Variants in ZNF469 observed in about 807,000 individuals in gnomAD.
ZNF469 encodes the protein zinc finger protein 469.
A neutral mutation model predicts 1.0 loss-of-function variants in ZNF469; 1 was observed. The ratio of observed to expected loss-of-function variants is 1.00; its 90% CI spans 0.35 to 4.73. The LOEUF (loss-of-function observed/expected upper bound fraction) is 4.73, where lower values mean the gene tolerates loss of function less well. Ranked by LOEUF, ZNF469 falls within the 30% of genes most tolerant of loss-of-function variation. The pLI is 0.16. For synonymous variants in ZNF469, 2,703 were observed against 2,363.4 expected, an observed-to-expected ratio of 1.14 and a Z score of -4.17; for missense variants, 6,100 against 5,356.3, an observed-to-expected ratio of 1.14 and a Z score of -4.33.
chr16:88,236,344 G>C, the ZNF469 span, among the ~76,000 whole-genome samples: 1 of 152,238 alleles, frequency 6.6e-6, no homozygotes, highest in Non-Finnish European at 1.5e-5. Context: ...TACTAGACTC[G>C]GGTTGGAATT....
chr16:88,321,270 C>A, the ZNF469 span, among the ~76,000 whole-genome samples: 8 of 152,378 alleles, frequency 5.3e-5, no homozygotes, highest in East Asian at 1.2e-3. Context: ...GAAACCCAGG[C>A]AGGAGCTGAT....
the ZNF469 span, among the ~76,000 whole-genome samples, chr16:88,152,834 A>T: frequency 3.0e-3 from 451 of 152,044 alleles, 4 homozygotes; most frequent in African/African-American, 0.01. This position sits in a 1 kb window ranked among gnomAD's most constrained non-coding sequence, Gnocchi z 4.2. Context: ...TCTGACACAA[A>T]CCGCTGTCTA....
At position 88,430,480 on chromosome 16, in the gene ZNF469, A is replaced by G. The variant is rs2142303023; in HGVS notation, c.3010A>G (p.Ser1004Gly). The part of the protein sequence containing the change: ...PRRPRTQAPG[S>G]RADPAPRVPR... ...GCGCCCTAGAACGCAGGCCCCCGGG[A>G]GCCGCGCAGACCCCGCGCCCCGGGT... The change falls in exon 3 of 3, where the codon AGC becomes GGC. Residue 1004 changes from serine to glycine, a missense_variant. Transcript: ENST00000565624. 1 of 1,438,180 alleles carries G rather than the reference A, an allele frequency of 7.0e-7. No homozygotes were observed. The highest frequency in any genetic ancestry group is 9.0e-7 in the Non-Finnish European group (1 of 1,105,990). 89.1% of individuals were successfully genotyped at this position (1,438,180 alleles called of 1,614,324 possible).
chr16:88,217,606 C>A, the ZNF469 span, among the ~76,000 whole-genome samples: 2 of 110,568 alleles, frequency 1.8e-5, no homozygotes, highest in East Asian at 2.9e-4. Context: ...CCCACCCCAC[C>A]ACAGTCCCCA....
chr16:88,246,863 GTGAA>G, the ZNF469 span, among the ~76,000 whole-genome samples: 1 of 146,050 alleles, frequency 6.8e-6, no homozygotes, highest in Admixed American at 6.7e-5. Context: ...GAATGAGCAA[GTGAA>G]TGAGTGAGTG....
At chr16:88,414,408 A>C (rs1905253073) in intron 1 of ZNF469, among the ~76,000 whole-genome samples, 1 of 152,062 alleles carries the variant, frequency 6.6e-6, no homozygotes, top group African/African-American at 2.4e-5. Flanking sequence ...CAGTCTCGTT[A>C]CCTCCACCCC....
At chr16:88,192,143 T>C in the ZNF469 span, 1 of 152,190 alleles carries the variant, frequency 6.6e-6, no homozygotes, top group African/African-American at 2.4e-5. Context: ...AGCCATACCT[T>C]GATCTTGGAA....
At chr16:88,281,393 G>A in the ZNF469 span, among the ~76,000 whole-genome samples, 1 of 147,628 alleles carries the variant, frequency 6.8e-6, no homozygotes, top group South Asian at 2.2e-4. Context: ...ATCAGTGCAT[G>A]GGTAAGTGCT....
At chr16:88,190,485 G>A in the ZNF469 span, among the ~76,000 whole-genome samples, 2 of 152,244 alleles carry the variant, frequency 1.3e-5, no homozygotes, top group African/African-American at 4.8e-5. Flanking sequence ...GAGGAGGGAG[G>A]ACAGGAAGGA....
At position 88,431,586 on chromosome 16, in the gene ZNF469, G is replaced by T. The variant is rs966804400; in HGVS notation, c.4116G>T (p.Gly1372=). The change falls in exon 3 of 3, where the codon GGG becomes GGT. Residue 1372 remains glycine, a synonymous_variant. Transcript: ENST00000565624. ...DPLGVPVAKK[G]PQPYSSPHSE... is the part of the protein sequence containing the mutation. ...TGGGGGTTCCAGTTGCCAAAAAGGG[G>T]CCTCAGCCCTACAGCAGCCCCCACA... 1.3e-6 allele frequency: 2 copies of T among 1,550,460 alleles called. No individual in the cohort carries two copies. Among genetic ancestry groups the T allele is most frequent in the African/African-American group, 1.4e-5 (1 of 73,186 alleles).
At chr16:88,122,440 T>C in the ZNF469 span, among the ~76,000 whole-genome samples, 1 of 150,120 alleles carries the variant, frequency 6.7e-6, no homozygotes, top group Admixed American at 6.6e-5. Flanking sequence ...TCACACTCCG[T>C]CACTCGCTAC....
chr16:88,152,949 C>T, the ZNF469 span, among the ~76,000 whole-genome samples: 1 of 152,224 alleles, frequency 6.6e-6, no homozygotes. The surrounding 1 kb of genome is among the most constrained non-coding windows in gnomAD (Gnocchi z 4.2). Flanking sequence ...CTCCACCTCA[C>T]TGGCCGTGAA....
At chr16:88,352,559 C>T in the ZNF469 span, among the ~76,000 whole-genome samples, 4 of 152,248 alleles carry the variant, frequency 2.6e-5, no homozygotes, top group Admixed American at 2.0e-4. Flanking sequence ...GCCCTCAGGC[C>T]TGTGTCCTTG....
the ZNF469 span, among the ~76,000 whole-genome samples, chr16:88,316,052 C>G: frequency 6.6e-6 from 1 of 152,240 alleles, no homozygotes; most frequent in Non-Finnish European, 1.5e-5. Flanking sequence ...CCACGCGTCA[C>G]CAGGGCACAT....
intron 1 of ZNF469, among the ~76,000 whole-genome samples, chr16:88,406,710 G>A (rs1353869692): frequency 6.6e-6 from 1 of 152,198 alleles, no homozygotes; most frequent in Admixed American, 6.5e-5. Context: ...CTGCCTCCGA[G>A]GGCTACAGAG....
the ZNF469 span, among the ~76,000 whole-genome samples, chr16:88,139,580 C>G: frequency 7.3e-5 from 11 of 150,584 alleles, no homozygotes; most frequent in Admixed American, 2.0e-4. Context: ...CCTTTTTGTC[C>G]CCTGGCCTGG....
chr16:88,295,641 A>G, the ZNF469 span, among the ~76,000 whole-genome samples: 6 of 152,196 alleles, frequency 3.9e-5, no homozygotes, highest in Non-Finnish European at 1.5e-5. Flanking sequence ...ACAACTGTAC[A>G]CATTGATACT....
At chr16:88,229,698 G>A in the ZNF469 span, among the ~76,000 whole-genome samples, 1 of 151,466 alleles carries the variant, frequency 6.6e-6, no homozygotes, top group African/African-American at 2.4e-5. Context: ...ACGTGTGGAT[G>A]TCACACGTGT....
rs779602484 is a variant in ZNF469, at chr16:88,430,139, G to C, written c.2669G>C (p.Gly890Ala). 3.2e-6 allele frequency: 5 copies of C among 1,550,014 alleles called. No homozygotes were observed. Among genetic ancestry groups the C allele is most frequent in the Non-Finnish European group, 1.7e-6 (2 of 1,146,890 alleles). The change falls in exon 3 of 3, where the codon GGG (glycine) becomes GCG (alanine). Residue 890 changes from glycine (G) to alanine (A), a missense_variant. Physicochemically the swap from Gly to Ala is moderately conservative, Grantham distance 60. Coordinates refer to ENST00000565624, the MANE Select transcript of ZNF469 (RefSeq NM_001367624.2). ...SSGHPLKSKA[G>A]VTPESKAPPP... ...GGACACCCCCTTAAGAGCAAGGCGG[G>C]GGTGACTCCAGAGAGCAAAGCTCCG...
Sources: allele counts gnomAD v4.1 joint callset (sites outside exome capture counted in the v4.1 genomes callset), GRCh38; gene constraint gnomAD v4.1.1; non-coding constraint Gnocchi (gnomAD v3.1); transcripts MANE v1.5; gene names NCBI Gene and HGNC (gene_info 2026-07-23, HGNC 2026-07-21).